Variants in SCN9A observed in about 807,000 individuals in gnomAD.
SCN9A encodes sodium voltage-gated channel alpha subunit 9.
In SCN9A, 131 loss-of-function variants were observed where a neutral mutation model predicts 187.0. The observed-to-expected ratio is 0.70, with a 90% CI of 0.61 to 0.81. The LOEUF (loss-of-function observed/expected upper bound fraction) is 0.81, where lower values mean the gene tolerates loss of function less well. SCN9A is among the 30% of genes least tolerant of loss of function. The pLI is 0.00. For missense variants in SCN9A, 2,252 were observed against 2,396.6 expected, an observed-to-expected ratio of 0.94 and a Z score of 1.26; for synonymous variants, 809 against 808.6, an observed-to-expected ratio of 1.00 and a Z score of -0.01.
rs145612266 is a variant in SCN9A, at chr2:166,230,711, T to C, written c.3925-1739A>G. Reference sequence around the variant, plus strand: ...ATCATTATGTGCCCTTGTCTGTCTCTCTTGTAACCATTGACCCTACTCACT... The same window carrying C: ...ATCATTATGTGCCCTTGTCTGTCTCCCTTGTAACCATTGACCCTACTCACT... On this transcript the variant is annotated intron_variant, in intron 21 of 26. Coordinates refer to ENST00000642356, the MANE Select transcript of SCN9A (RefSeq NM_001365536.1). Among the ~76,000 whole-genome samples the C allele has an allele frequency of 4.4e-3, 664 of 152,326 alleles. 4 individuals are homozygous for C. The highest frequency in any genetic ancestry group is 7.8e-3 in the Non-Finnish European group (533 of 68,030).
At chr2:166,222,726 A>T (rs1694643397) in intron 24 of SCN9A, among the ~76,000 whole-genome samples, 1 of 148,754 alleles carries the variant, frequency 6.7e-6, no homozygotes, top group African/African-American at 2.5e-5. Context: ...AGGTCAGGAG[A>T]TCGAGACCAT....
chr2:166,366,994 G>C (rs1700432793), intron 1 of SCN9A, among the ~76,000 whole-genome samples: 1 of 152,112 alleles, frequency 6.6e-6, no homozygotes, highest in Non-Finnish European at 1.5e-5. Flanking sequence ...TTAGATAATT[G>C]AGTCTTCATG....
intron 1 of SCN9A, among the ~76,000 whole-genome samples, chr2:166,361,101 G>A (rs923792479): frequency 2.0e-5 from 3 of 151,980 alleles, no homozygotes; most frequent in Non-Finnish European, 2.9e-5. Context: ...ATAGCAAACC[G>A]GAGCTGAAAA....
At chr2:166,264,358 ACT>A (rs1264877163) in intron 17 of SCN9A, among the ~76,000 whole-genome samples, 6 of 151,890 alleles carry the variant, frequency 4.0e-5, no homozygotes, top group African/African-American at 1.4e-4. Flanking sequence ...GAGAAGGCTG[ACT>A]CTGAGAAGAG....
At chr2:166,357,784 G>A (rs1574961753) in intron 1 of SCN9A, among the ~76,000 whole-genome samples, 1 of 152,022 alleles carries the variant, frequency 6.6e-6, no homozygotes, top group East Asian at 1.9e-4. Context: ...TTTGGCCATC[G>A]AATAAAGCTT....
intron 24 of SCN9A, among the ~76,000 whole-genome samples, chr2:166,209,585 T>G (rs1693982057): frequency 1.4e-5 from 2 of 140,124 alleles, no homozygotes; most frequent in Non-Finnish European, 3.0e-5. Context: ...GCAGACTTGA[T>G]CAAACTGGAG....
rs187135957 is a variant in SCN9A at position 166,367,814 on chromosome 2, A to G, written c.-51+7883T>C. The stretch of plus-strand genomic sequence containing the variant: ...TAGGTACTCTTTTCATAATGTCTTC[A>G]AACTTCCACCAAAATCTCTATTTTG... On this transcript the variant is annotated intron_variant, in intron 1 of 26. Coordinates refer to ENST00000642356, the MANE Select transcript of SCN9A (RefSeq NM_001365536.1). Among the ~76,000 whole-genome samples, 745 of 152,310 alleles carry G rather than the reference A, an allele frequency of 4.9e-3. 9 individuals are homozygous for G. The highest frequency in any genetic ancestry group is 0.016 in the African/African-American group (675 of 41,560).
rs766730954 is a variant in SCN9A, at chr2:166,278,140, C to A, written c.2517G>T (p.Leu839=). The part of the protein sequence containing the change: ...EGLSVLRSFR[L]LRVFKLAKSW... ...AATGGCAACCTTAGTTTATGTTTAC[C>A]AGTCTGAATGATCGCAGAACTGACA... Residue 839 remains leucine, a splice_region_variant and synonymous_variant, in exon 15 of 27, where the codon CTG becomes CTT. Transcript: ENST00000642356. 11 of 1,609,344 alleles carry A rather than the reference C, an allele frequency of 6.8e-6. No individual in the cohort carries two copies. In the African/African-American group the frequency reaches 9.4e-5, roughly 14 times the overall value.
At chr2:166,272,987 A>T (rs13395140) in intron 16 of SCN9A, 112 bp from the exon 17 acceptor site, 184,547 of 492,304 alleles carry the variant, frequency 0.37, 35,397 homozygotes, top group Non-Finnish European at 0.39. Context: ...ACCAGCAACG[A>T]AGATTTCTGC....
chr2:166,312,821 T>TA (rs1157549875), intron 1 of SCN9A, among the ~76,000 whole-genome samples: 1 of 151,064 alleles, frequency 6.6e-6, no homozygotes, highest in African/African-American at 2.4e-5. Flanking sequence ...GAAATCTTTT[T>TA]TTTTTTTCCT....
rs776586182 is a variant in SCN9A at position 166,199,432 on chromosome 2, C to G, written c.5207G>C (p.Gly1736Ala). The G allele has an allele frequency of 1.6e-5, 26 of 1,614,002 alleles. No individual in the cohort carries two copies. The highest frequency in any genetic ancestry group is 2.1e-5 in the Non-Finnish European group (25 of 1,180,026). Residue 1736 changes from glycine to alanine, a missense_variant, in exon 27 of 27, where the codon GGA (glycine) becomes GCA (alanine). By Grantham distance (60) the Gly-to-Ala change is moderately conservative. This residue lies in a region of SCN9A where 345 missense variants were observed against 344.6 expected (regional missense o/e 1.00). Coordinates refer to ENST00000642356, the MANE Select transcript of SCN9A (RefSeq NM_001365536.1). ...VEGDCGNPSV[G>A]IFYFVSYIII... ...GATATAACTAACAAAGTAGAATATTCCAACAGATGGGTTACCACAGTCTCC... is the reference window on the plus strand; with the variant it reads ...GATATAACTAACAAAGTAGAATATTGCAACAGATGGGTTACCACAGTCTCC...
At chr2:166,367,149 C>T (rs1410413098) in intron 1 of SCN9A, among the ~76,000 whole-genome samples, 1 of 152,204 alleles carries the variant, frequency 6.6e-6, no homozygotes, top group Non-Finnish European at 1.5e-5. Context: ...TCTTATCCTG[C>T]ACAAGATCAC....
chr2:166,340,341 T>C (rs1203433409), intron 1 of SCN9A, among the ~76,000 whole-genome samples: 1 of 152,200 alleles, frequency 6.6e-6, no homozygotes, highest in Non-Finnish European at 1.5e-5. Flanking sequence ...GTTTCCACAT[T>C]GATTGCAAAA....
At chr2:166,205,819 A>G (rs1289768119) in intron 24 of SCN9A, among the ~76,000 whole-genome samples, 1 of 152,224 alleles carries the variant, frequency 6.6e-6, no homozygotes, top group East Asian at 1.9e-4. Context: ...ATTTACAAGA[A>G]AAAAACAAAC....
chr2:166,308,384 A>G (rs867922361), intron 2 of SCN9A, among the ~76,000 whole-genome samples: 57 of 152,114 alleles, frequency 3.7e-4, no homozygotes, highest in Middle Eastern at 3.4e-3. Context: ...CGGTTTCCCC[A>G]GTGCTGTTCT....
At position 166,196,885 on chromosome 2, in the gene SCN9A, C is replaced by G. The variant is rs1693261823; in HGVS notation, c.*1787G>C. On this transcript the variant is annotated 3_prime_UTR_variant, in exon 27 of 27. Coordinates refer to ENST00000642356, the MANE Select transcript of SCN9A (RefSeq NM_001365536.1). ...TTTATACGTAGATTAGGACAAATGTCTCAAAGTAATAACGGATGTTGTAAA... is the reference window on the plus strand; with the variant it reads ...TTTATACGTAGATTAGGACAAATGTGTCAAAGTAATAACGGATGTTGTAAA... 6.6e-6 allele frequency: 1 copy of G among 152,140 alleles called. No individual in the cohort carries two copies. Among genetic ancestry groups the G allele is most frequent in the African/African-American group, 2.4e-5 (1 of 41,556 alleles). 9.4% of individuals were successfully genotyped at this position (152,140 alleles called of 1,614,324 possible).
At chr2:166,284,004 A>G (rs1334578676) in intron 12 of SCN9A, among the ~76,000 whole-genome samples, 1 of 152,186 alleles carries the variant, frequency 6.6e-6, no homozygotes, top group African/African-American at 2.4e-5. Context: ...GTTTGCTGTT[A>G]TTAACAACTC....
At chr2:166,238,007 TATG>T in intron 20 of SCN9A, 84 bp downstream of exon 20, 2 of 897,656 alleles carry the variant, frequency 2.2e-6, no homozygotes, top group Non-Finnish European at 3.4e-6. Flanking sequence ...AAAATTAAAA[TATG>T]ATAATATGCA....
intron 24 of SCN9A, among the ~76,000 whole-genome samples, chr2:166,218,302 C>T: frequency 6.6e-6 from 1 of 150,718 alleles, no homozygotes; most frequent in South Asian, 2.1e-4. Context: ...GGAGATATAC[C>T]TAATGTAAAT....
Sources: gnomAD v4.1 joint callset for allele counts (sites outside exome capture counted in the v4.1 genomes callset) on GRCh38, gnomAD v4.1.1 for gene constraint, gnomAD v4.1.1 regional missense constraint, MANE v1.5 for transcripts, NCBI Gene and HGNC (gene_info 2026-07-23, HGNC 2026-07-21) for gene names.